The following NF1 variants were observed in gnomAD, a reference collection of about 807,000 sequenced individuals.
The protein encoded by NF1 is neurofibromin 1.
A neutral mutation model predicts 325.7 loss-of-function variants in NF1; 122 were observed. The ratio of observed to expected loss-of-function variants is 0.37; its 90% CI spans 0.32 to 0.44. The LOEUF (loss-of-function observed/expected upper bound fraction) is 0.44. Ranked by LOEUF, NF1 falls within the 20% of genes least tolerant of loss-of-function variation. The pLI is 1.00. For synonymous variants in NF1, 1,091 were observed against 1,186.0 expected (o/e 0.92, Z 1.65); for missense variants, 2,140 against 3,415.4 (o/e 0.63, Z 9.31).
intron 48 of NF1, among the ~76,000 whole-genome samples, chr17:31,343,728 G>A (rs1334493151): frequency 6.6e-6 from 1 of 151,974 alleles, no homozygotes; most frequent in Non-Finnish European, 1.5e-5. Context: ...GGCCAAAGCA[G>A]AAGGATCTCT....
chr17:31,203,416 A>G (rs2066565277), intron 11 of NF1, among the ~76,000 whole-genome samples: 1 of 152,222 alleles, frequency 6.6e-6, no homozygotes, highest in Non-Finnish European at 1.5e-5. Context: ...GTATCTTTTT[A>G]AATTATGCTT....
intron 36 of NF1, among the ~76,000 whole-genome samples, chr17:31,308,599 A>C (rs2068791098): frequency 6.6e-6 from 1 of 151,658 alleles, no homozygotes. Flanking sequence ...CTAAACAGAC[A>C]CTTCTATGCT....
intron 8 of NF1, among the ~76,000 whole-genome samples, chr17:31,199,440 A>T (rs748123320): frequency 6.6e-6 from 1 of 152,150 alleles, no homozygotes; most frequent in South Asian, 2.1e-4. Context: ...CATACTTTGT[A>T]TGATTTCAGT....
At position 31,347,138 on chromosome 17, in the gene NF1, T is replaced by G. The variant is rs1235527157; in HGVS notation, c.7190-1982T>G. On this transcript the variant is annotated intron_variant, in intron 48 of 57. Transcript: ENST00000358273. ...ATAAATGTTGTAAGATCATATCTTA[T>G]GTATAGAAGTAATAAGACCATTTGG... is the stretch of plus-strand genomic sequence containing the variant. Among the ~76,000 whole-genome samples the G allele has an allele frequency of 7.4e-3, 1,122 of 151,674 alleles. 11 individuals are homozygous for G. Among genetic ancestry groups the G allele is most frequent in the African/African-American group, 0.026 (1,075 of 41,328 alleles).
chr17:31,342,965 T>C (rs1483799434), intron 47 of NF1, 44 bp from the exon 48 acceptor site: 3 of 1,612,370 alleles, frequency 1.9e-6, no homozygotes, highest in Non-Finnish European at 2.5e-6. Context: ...TAAAGAAAGC[T>C]ACTGTGTGAA....
At chr17:31,313,310 A>T (rs983587798) in intron 36 of NF1, among the ~76,000 whole-genome samples, 1 of 152,232 alleles carries the variant, frequency 6.6e-6, no homozygotes, top group Non-Finnish European at 1.5e-5. Flanking sequence ...TTTGGAGGTT[A>T]TAAATTCAGT....
At chr17:31,274,507 A>G (rs865997571) in intron 36 of NF1, among the ~76,000 whole-genome samples, 25 of 152,342 alleles carry the variant, frequency 1.6e-4, no homozygotes, top group South Asian at 1.0e-3. Context: ...AACCATGAAT[A>G]GAACCATGCT....
chr17:31,170,438 G>A (rs1401515685), intron 5 of NF1, among the ~76,000 whole-genome samples: 1 of 152,210 alleles, frequency 6.6e-6, no homozygotes, highest in African/African-American at 2.4e-5. Flanking sequence ...GATGAATTGA[G>A]CCAGAGATTT....
At chr17:31,147,238 C>T (rs1305473954) in intron 1 of NF1, among the ~76,000 whole-genome samples, 1 of 152,154 alleles carries the variant, frequency 6.6e-6, no homozygotes, top group East Asian at 1.9e-4. Context: ...TCCTTTCAGT[C>T]ACTGTTTTCC....
At chr17:31,343,238 T>C in intron 48 of NF1, 103 bp downstream of exon 48, 1 of 1,167,066 alleles carries the variant, frequency 8.6e-7, no homozygotes, top group Non-Finnish European at 1.2e-6. Flanking sequence ...AGTTAGCCCT[T>C]ATGTCTTACT....
chr17:31,205,517 A>G (rs993443588), intron 11 of NF1, among the ~76,000 whole-genome samples: 1 of 152,158 alleles, frequency 6.6e-6, no homozygotes, highest in Non-Finnish European at 1.5e-5. Flanking sequence ...AAAGTTAAAG[A>G]TACACTTCCA....
intron 1 of NF1, among the ~76,000 whole-genome samples, chr17:31,115,218 T>C (rs1276591924): frequency 5.9e-5 from 9 of 152,064 alleles, no homozygotes; most frequent in African/African-American, 2.2e-4. Flanking sequence ...ATCTAGTGGG[T>C]AGAGTTCAGG....
rs1455372975 is a variant in NF1 at position 31,140,492 on chromosome 17, A to G, written c.61-15491A>G. 2.6e-5 allele frequency among the ~76,000 whole-genome samples: 4 copies of G among 152,222 alleles called. No individual in the cohort carries two copies. In the East Asian group the frequency reaches 7.7e-4, roughly 29 times the overall value. ...TTATAAAGACAAAAATTTCGTGTCA[A>G]CTCTGTAATAAAACAATATATCCTT... On this transcript the variant is annotated intron_variant, in intron 1 of 57. Transcript: ENST00000358273.
chr17:31,116,706 C>T (rs1251683728), intron 1 of NF1, among the ~76,000 whole-genome samples: 7 of 151,958 alleles, frequency 4.6e-5, no homozygotes, highest in African/African-American at 7.2e-5. Flanking sequence ...CTTGCCCTGT[C>T]GCCCAGGCTG....
intron 3 of NF1, among the ~76,000 whole-genome samples, chr17:31,160,585 G>A (rs2065745720): frequency 1.3e-5 from 2 of 152,168 alleles, no homozygotes; most frequent in South Asian, 2.1e-4. Context: ...TAGGATGATG[G>A]AACTGGGAAG....
At chr17:31,371,052 T>C (rs2070627247) in intron 57 of NF1, among the ~76,000 whole-genome samples, 1 of 152,158 alleles carries the variant, frequency 6.6e-6, no homozygotes, top group Non-Finnish European at 1.5e-5. Context: ...ACTAAAAATA[T>C]TATACCACTC....
In NF1 at chr17:31,356,811, G is replaced by C. The variant is rs17882467; in HGVS notation, c.7739-149G>C. ...GTAAATAGGTAGCCAAAACTTTTGT[G>C]TAGGCGAATAGTAATTCTCTATGAT... On this transcript the variant is annotated intron_variant, in intron 52 of 57. Transcript: ENST00000358273. 1.7e-3 allele frequency: 2,248 copies of C among 1,288,916 alleles called. 6 individuals are homozygous for C. The highest frequency in any genetic ancestry group is 6.7e-3 in the Middle Eastern group (25 of 3,756). 79.8% of individuals were successfully genotyped at this position (1,288,916 alleles called of 1,614,324 possible). A position where few individuals can be genotyped will look rare whatever the true frequency, so the allele number is the denominator to read the frequency against.
rs201064978 is a variant in NF1, at chr17:31,223,553, C to T, written c.1831C>T (p.Leu611Phe). ...AATATTGATCTGCAGGAATAAATTT[C>T]TTCTTAAAAATAAGGTAAGCAAAAT... is the stretch of plus-strand genomic sequence containing the variant. ...REILICRNKF[L>F]LKNKQADRSS... is the part of the protein sequence containing the mutation. The change falls in exon 16 of 58, where the codon CTT becomes TTT. Residue 611 changes from leucine to phenylalanine, a missense_variant. Leu to Phe is a conservative substitution (Grantham distance 22, BLOSUM62 0). Transcript: ENST00000358273. 1 of 1,611,946 alleles carries T rather than the reference C, an allele frequency of 6.2e-7. No homozygotes were observed. The highest frequency in any genetic ancestry group is 1.3e-5 in the African/African-American group (1 of 74,966).
intron 13 of NF1, among the ~76,000 whole-genome samples, chr17:31,215,856 A>C (rs1254617792): frequency 6.6e-6 from 1 of 152,212 alleles, no homozygotes; most frequent in African/African-American, 2.4e-5. Context: ...TTGTAACTAC[A>C]TGCCTATGAT....
Sources: gnomAD v4.1 joint callset for allele counts (sites outside exome capture counted in the v4.1 genomes callset) on GRCh38, gnomAD v4.1.1 for gene constraint, MANE v1.5 for transcripts, NCBI Gene and HGNC (gene_info 2026-07-23, HGNC 2026-07-21) for gene names.